NKAIN2: variants seen among roughly 807,000 people sequenced by gnomAD.
NKAIN2 encodes the protein sodium/potassium-transporting ATPase subunit beta-1-interacting protein 2.
Under a neutral mutation model 32.6 loss-of-function variants are expected in NKAIN2, and 14 were observed. That is an observed-to-expected ratio of 0.43 (90% confidence interval 0.28 to 0.67). The LOEUF (loss-of-function observed/expected upper bound fraction) is 0.67. Among genes scored for constraint, NKAIN2 ranks in the 30% least tolerant of loss-of-function variants. NKAIN2 has a pLI of 0.17. For synonymous variants in NKAIN2, 80 were observed against 87.2 expected (o/e 0.92, Z 0.46); for missense variants, 198 against 258.3 (o/e 0.77, Z 1.60).
intron 1 of NKAIN2, among the ~76,000 whole-genome samples, chr6:124,081,661 ATAGAG>A (rs1285981309): frequency 6.6e-6 from 1 of 152,114 alleles, no homozygotes; most frequent in Non-Finnish European, 1.5e-5. Context: ...GAGTCATGAA[ATAGAG>A]TAAATATTAA....
chr6:124,798,993 C>T (rs1401769541), intron 5 of NKAIN2, among the ~76,000 whole-genome samples: 1 of 152,172 alleles, frequency 6.6e-6, no homozygotes, highest in Non-Finnish European at 1.5e-5. Context: ...ACAAACATTC[C>T]TTGACCTTTA....
At chr6:124,601,116 C>A (rs1782289081) in intron 3 of NKAIN2, among the ~76,000 whole-genome samples, 1 of 152,022 alleles carries the variant, frequency 6.6e-6, no homozygotes, top group Non-Finnish European at 1.5e-5. Context: ...ATTTAAGTTG[C>A]TCTGATCAAG....
chr6:124,596,005 C>G (rs1044680692), intron 3 of NKAIN2, among the ~76,000 whole-genome samples: 1 of 152,118 alleles, frequency 6.6e-6, no homozygotes, highest in African/African-American at 2.4e-5. Context: ...GAGCGACTCT[C>G]CTCTCACATT....
intron 1 of NKAIN2, among the ~76,000 whole-genome samples, chr6:123,821,358 G>T (rs974256901): frequency 2.0e-5 from 3 of 152,186 alleles, no homozygotes; most frequent in African/African-American, 4.8e-5. Flanking sequence ...CAGGCCAGGT[G>T]CTGATAGTAC....
chr6:123,828,824 T>G (rs1389303351), intron 1 of NKAIN2: 1 of 152,348 alleles, frequency 6.6e-6, no homozygotes, highest in African/African-American at 2.4e-5. Flanking sequence ...CTGGCCTTGC[T>G]TCTACTAAAC....
At chr6:124,250,885 G>T (rs531904078) in intron 1 of NKAIN2, among the ~76,000 whole-genome samples, 12 of 152,114 alleles carry the variant, frequency 7.9e-5, no homozygotes, top group African/African-American at 2.9e-4. Context: ...TCTAAGAAGA[G>T]ATGGTCAGAG....
At chr6:124,678,625 T>A (rs1287115273) in intron 4 of NKAIN2, among the ~76,000 whole-genome samples, 2 of 152,214 alleles carry the variant, frequency 1.3e-5, no homozygotes, top group Non-Finnish European at 2.9e-5. Context: ...ATTGTTTTCC[T>A]GAAATACTGA....
chr6:123,820,220 T>C lies in NKAIN2; in HGVS notation c.54+15966T>C, dbSNP rs891423980. Among the ~76,000 whole-genome samples the C allele has an allele frequency of 2.0e-5, 3 of 152,198 alleles. 1 individual carries two copies. The highest frequency in any genetic ancestry group is 2.0e-4 in the Admixed American group (3 of 15,274). On this transcript the variant is annotated intron_variant, in intron 1 of 6. Transcript: ENST00000368417. The stretch of plus-strand genomic sequence containing the variant: ...AGAAGGACAAAAAGGGTGTGGCCAA[T>C]GCAAAGGATACATTGATTAGTGTAT...
At chr6:124,298,769 C>T (rs1202640577) in intron 2 of NKAIN2, among the ~76,000 whole-genome samples, 1 of 152,100 alleles carries the variant, frequency 6.6e-6, no homozygotes, top group East Asian at 1.9e-4. Flanking sequence ...CCCCCCGTGT[C>T]TATTATCAGT....
chr6:124,670,564 T>G (rs1027264222), intron 4 of NKAIN2, among the ~76,000 whole-genome samples: 1 of 151,952 alleles, frequency 6.6e-6, no homozygotes, highest in East Asian at 1.9e-4. Context: ...TATTTGATCA[T>G]TTAAGTTATA....
chr6:123,880,780 C>T (rs1032274683), intron 1 of NKAIN2, among the ~76,000 whole-genome samples: 13 of 151,896 alleles, frequency 8.6e-5, no homozygotes, highest in African/African-American at 1.9e-4. Flanking sequence ...GTTTTCAGAC[C>T]GTATAACCAT....
intron 3 of NKAIN2, among the ~76,000 whole-genome samples, chr6:124,464,765 G>C (rs1298858063): frequency 6.6e-6 from 1 of 152,030 alleles, no homozygotes; most frequent in Admixed American, 6.6e-5. Flanking sequence ...TTTGTTTACT[G>C]TAGCCTTGTA....
chr6:123,976,326 TTCCCATATATATATATG>T (rs2114650408), intron 1 of NKAIN2, among the ~76,000 whole-genome samples: 2 of 43,898 alleles, frequency 4.6e-5, no homozygotes, highest in African/African-American at 1.6e-4. Context: ...TATATATATG[TTCCCATATATATATATG>T]TTCCCATATA....
At chr6:124,115,318 G>GT (rs71021478) in intron 1 of NKAIN2, among the ~76,000 whole-genome samples, 57,125 of 151,876 alleles carry the variant, frequency 0.38, 11,913 homozygotes, top group South Asian at 0.49. Flanking sequence ...AGCAACCAAA[G>GT]TAAGAAAGGC....
chr6:124,646,573 A>G (rs1172514164), intron 3 of NKAIN2, among the ~76,000 whole-genome samples: 1 of 152,190 alleles, frequency 6.6e-6, no homozygotes, highest in East Asian at 1.9e-4. Flanking sequence ...AAGCTAAATG[A>G]AAAACAGCAA....
chr6:124,686,625 T>C (rs1773893713), intron 4 of NKAIN2, among the ~76,000 whole-genome samples: 1 of 152,158 alleles, frequency 6.6e-6, no homozygotes, highest in South Asian at 2.1e-4. Flanking sequence ...TTTTACATGA[T>C]ATTTGGGTAG....
chr6:124,351,738 CA>C (rs59035636), intron 2 of NKAIN2, among the ~76,000 whole-genome samples: 57,000 of 151,568 alleles, frequency 0.38, 11,236 homozygotes, highest in African/African-American at 0.48. Flanking sequence ...TCTCTTGCCT[CA>C]AGCCTCCCTA....
At chr6:124,307,707 C>G (rs1408089319) in intron 2 of NKAIN2, among the ~76,000 whole-genome samples, 1 of 152,062 alleles carries the variant, frequency 6.6e-6, no homozygotes, top group Non-Finnish European at 1.5e-5. Flanking sequence ...ATTACTATAT[C>G]TTGGAATTAT....
intron 3 of NKAIN2, among the ~76,000 whole-genome samples, chr6:124,510,839 T>C (rs1778682590): frequency 6.6e-6 from 1 of 152,228 alleles, no homozygotes; most frequent in Non-Finnish European, 1.5e-5. Context: ...ATATATCAGG[T>C]AATAACTTCC....
Sources: allele counts gnomAD v4.1 joint callset (sites outside exome capture counted in the v4.1 genomes callset), GRCh38; gene constraint gnomAD v4.1.1; transcripts MANE v1.5; gene names NCBI Gene and HGNC (gene_info 2026-07-23, HGNC 2026-07-21).